The following SUCLG2 variants were observed in gnomAD, a reference collection of about 807,000 sequenced individuals.
SUCLG2 encodes succinate--CoA ligase [GDP-forming] subunit beta, mitochondrial.
Under a neutral mutation model 47.9 loss-of-function variants are expected in SUCLG2, and 42 were observed. The ratio of observed to expected loss-of-function variants is 0.88; its 90% confidence interval spans 0.69 to 1.14. The LOEUF (loss-of-function observed/expected upper bound fraction) is 1.14. Ranked by LOEUF, SUCLG2 falls within the 50% of genes most tolerant of loss-of-function variation. SUCLG2 has a pLI of 0.00. For missense variants in SUCLG2, 571 were observed against 525.9 expected (o/e 1.09, Z -0.84); for synonymous variants, 195 against 197.3 (o/e 0.99, Z 0.10).
rs562160420 is a variant in SUCLG2, at chr3:67,590,796, C to G, written c.226+18659G>C. Among the ~76,000 whole-genome samples the G allele has an allele frequency of 2.6e-5, 4 of 152,274 alleles. No homozygotes were observed. In the South Asian group the frequency reaches 8.3e-4, roughly 32 times the overall value. On this transcript the variant is annotated intron_variant, in intron 2 of 10. Coordinates refer to ENST00000307227, the MANE Select transcript of SUCLG2 (RefSeq NM_003848.4). Reference sequence around the variant, plus strand: ...TAACACAACAGGGTTTGGCTTTTCACCGCCTTTTCTTTTAGTGTTAAGTAC... The same window carrying G: ...TAACACAACAGGGTTTGGCTTTTCAGCGCCTTTTCTTTTAGTGTTAAGTAC...
chr3:67,477,128 T>G (rs1008628867), intron 9 of SUCLG2, among the ~76,000 whole-genome samples: 1 of 152,166 alleles, frequency 6.6e-6, no homozygotes, highest in African/African-American at 2.4e-5. Context: ...GTATCACTCC[T>G]TCTCAAAGTG....
chr3:67,550,673 T>C (rs1452765259), intron 2 of SUCLG2, among the ~76,000 whole-genome samples: 1 of 152,174 alleles, frequency 6.6e-6, no homozygotes, highest in East Asian at 1.9e-4. Context: ...AAGTTTACCA[T>C]CTGTCTTAAA....
At chr3:67,428,912 A>C (rs1389905037) in intron 9 of SUCLG2, among the ~76,000 whole-genome samples, 2 of 152,218 alleles carry the variant, frequency 1.3e-5, no homozygotes, top group Non-Finnish European at 2.9e-5. Context: ...AAAAGAGTAA[A>C]AAGAAATGAA....
chr3:67,545,309 A>G (rs1404732271), intron 2 of SUCLG2, among the ~76,000 whole-genome samples: 1 of 152,206 alleles, frequency 6.6e-6, no homozygotes, highest in African/African-American at 2.4e-5. Context: ...AAAGTTTGTA[A>G]AGTGGTCAAT....
chr3:67,422,517 A>T (rs1703191399), intron 9 of SUCLG2, among the ~76,000 whole-genome samples: 1 of 148,666 alleles, frequency 6.7e-6, no homozygotes, highest in African/African-American at 2.5e-5. Context: ...CATTCAACAC[A>T]ATTTTACTAA....
Position 67,607,080 on chromosome 3 carries a change from T to C in SUCLG2, c.226+2375A>G, listed in dbSNP as rs1700432356. On this transcript the variant is annotated intron_variant, in intron 2 of 10. Transcript: ENST00000307227. ...ATCCTAAACTCTCAACCTGTGCTAC[T>C]GATACCTGGACAAGACTGAGTAGCA... is the stretch of plus-strand genomic sequence containing the variant. Among the ~76,000 whole-genome samples the C allele has an allele frequency of 2.6e-5, 4 of 152,206 alleles. No individual in the cohort carries two copies. The South Asian group carries it at 8.3e-4, about 32-fold the overall frequency.
In SUCLG2 at chr3:67,577,310, AAC is replaced by A. The variant is rs765584915; in HGVS notation, c.226+32143_226+32144del. ...GTGACAGAGACAGACTGTCTCAAAA[AAC>A]AAAAAAAAAAGTTAAGTGCTTATAC... is the stretch of plus-strand genomic sequence containing the variant. On this transcript the variant is annotated intron_variant, in intron 2 of 10. Transcript: ENST00000307227. Among the ~76,000 whole-genome samples the A allele has an allele frequency of 4.4e-3, 261 of 58,706 alleles. 1 individual carries two copies. The highest frequency in any genetic ancestry group is 9.3e-3 in the Middle Eastern group (1 of 108). The allele number at this position is 58,706 out of a possible 152,430, so 38.5% of individuals were successfully genotyped here.
At chr3:67,633,626 C>A (rs1199214998) in intron 1 of SUCLG2, among the ~76,000 whole-genome samples, 1 of 152,124 alleles carries the variant, frequency 6.6e-6, no homozygotes, top group Non-Finnish European at 1.5e-5. Context: ...TAGTAAATGC[C>A]AGTTAAAGAA....
At chr3:67,446,655 A>T (rs1703935012) in intron 9 of SUCLG2, among the ~76,000 whole-genome samples, 1 of 150,660 alleles carries the variant, frequency 6.6e-6, no homozygotes, top group Non-Finnish European at 1.5e-5. Flanking sequence ...GCTGGTCTTG[A>T]ACTCCTGACG....
Position 67,609,517 on chromosome 3 carries a change from C to T in SUCLG2, c.164G>A (p.Arg55Lys), listed in dbSNP as rs768946685. 1.4e-5 allele frequency: 22 copies of T among 1,613,728 alleles called. No homozygotes were observed. Among genetic ancestry groups the T allele is most frequent in the Middle Eastern group, 1.7e-4 (1 of 5,978 alleles). The change falls in exon 2 of 11, where the codon AGA becomes AAA. Residue 55 changes from arginine to lysine, a missense_variant. Coordinates refer to ENST00000307227, the MANE Select transcript of SUCLG2 (RefSeq NM_003848.4). ...GTCTGCTACAAAGAATCTTTGAACT[C>T]TCACTCCGTTGTCAGACATCAGTTT... is the stretch of plus-strand genomic sequence containing the variant. ...SKKLMSDNGV[R>K]VQRFFVADTA...
intron 1 of SUCLG2, among the ~76,000 whole-genome samples, chr3:67,615,102 T>C (rs1352153832): frequency 6.6e-6 from 1 of 151,584 alleles, no homozygotes; most frequent in Non-Finnish European, 1.5e-5. Context: ...CATAAAGATT[T>C]AAGGGCCTAT....
At chr3:67,639,672 C>T (rs755731619) in intron 1 of SUCLG2, among the ~76,000 whole-genome samples, 2 of 152,138 alleles carry the variant, frequency 1.3e-5, no homozygotes, top group African/African-American at 2.4e-5. Flanking sequence ...CCATAGCTGT[C>T]CTGTGGAATT....
At chr3:67,565,948 T>C (rs1460034533) in intron 2 of SUCLG2, among the ~76,000 whole-genome samples, 19 of 152,252 alleles carry the variant, frequency 1.2e-4, no homozygotes, top group Admixed American at 1.2e-3. Flanking sequence ...CTGTCTATCC[T>C]ATCTGAAAAT....
At chr3:67,365,740 T>C (rs933802112) in intron 10 of SUCLG2, among the ~76,000 whole-genome samples, 3 of 152,226 alleles carry the variant, frequency 2.0e-5, no homozygotes, top group Admixed American at 2.0e-4. Flanking sequence ...ATGCAGGCAG[T>C]ATCAGCACAT....
intron 1 of SUCLG2, among the ~76,000 whole-genome samples, chr3:67,635,103 G>A (rs1700986570): frequency 6.6e-6 from 1 of 152,142 alleles, no homozygotes; most frequent in Non-Finnish European, 1.5e-5. Context: ...ATTCAACACT[G>A]CTTCCAACAT....
At chr3:67,489,248 T>C (rs566224068) in intron 9 of SUCLG2, among the ~76,000 whole-genome samples, 3 of 152,258 alleles carry the variant, frequency 2.0e-5, no homozygotes, top group Admixed American at 6.5e-5. Flanking sequence ...TTTAATTAAC[T>C]AGACATCAGG....
chr3:67,611,130 G>A (rs1700520238), intron 1 of SUCLG2, among the ~76,000 whole-genome samples: 1 of 152,154 alleles, frequency 6.6e-6, no homozygotes, highest in Non-Finnish European at 1.5e-5. Context: ...TCCTTAAGAT[G>A]TGAAATAAAC....
intron 2 of SUCLG2, among the ~76,000 whole-genome samples, chr3:67,574,178 T>C (rs971289447): frequency 2.0e-5 from 3 of 152,142 alleles, no homozygotes; most frequent in African/African-American, 7.2e-5. Flanking sequence ...ATGGAAAGGT[T>C]TTCTGCCTTT....
At chr3:67,592,156 G>T (rs1708180155) in intron 2 of SUCLG2, among the ~76,000 whole-genome samples, 1 of 152,188 alleles carries the variant, frequency 6.6e-6, no homozygotes, top group East Asian at 1.9e-4. Flanking sequence ...TCTCATGTGG[G>T]AAAATTAGAA....
Sources: gnomAD v4.1 joint callset for allele counts (sites outside exome capture counted in the v4.1 genomes callset) on GRCh38, gnomAD v4.1.1 for gene constraint, MANE v1.5 for transcripts, NCBI Gene and HGNC (gene_info 2026-07-23, HGNC 2026-07-21) for gene names.